RANBP2: variants seen among roughly 807,000 people sequenced by gnomAD.
RANBP2 encodes the protein RAN binding protein 2, also known as E3 SUMO-protein ligase RanBP2.
A neutral mutation model predicts 303.6 loss-of-function variants in RANBP2; 57 were observed. The observed-to-expected ratio is 0.19, with a 90% CI of 0.15 to 0.23. The LOEUF is 0.23. Ranked by LOEUF, RANBP2 falls within the 10% of genes least tolerant of loss-of-function variation. The pLI, the probability that RANBP2 is intolerant of heterozygous loss-of-function variation, is 1.00. For synonymous variants in RANBP2, 1,167 were observed against 1,301.5 expected (o/e 0.90, Z 2.23); for missense variants, 3,138 against 3,780.8 (o/e 0.83, Z 4.46).
At chr2:108,891,086 T>G in the RANBP2 span, among the ~76,000 whole-genome samples, 129 of 152,328 alleles carry the variant, frequency 8.5e-4, no homozygotes, top group Non-Finnish European at 1.4e-3. Flanking sequence ...GATTTCTTTG[T>G]ATTGTTTTTC....
At chr2:108,955,189 C>T in the RANBP2 span, among the ~76,000 whole-genome samples, 8 of 152,148 alleles carry the variant, frequency 5.3e-5, no homozygotes, top group South Asian at 8.3e-4. Flanking sequence ...AATGTCTGTG[C>T]CTTGGTTGTC....
chr2:109,085,223 A>G, the RANBP2 span, among the ~76,000 whole-genome samples: 1 of 152,228 alleles, frequency 6.6e-6, no homozygotes, highest in Non-Finnish European at 1.5e-5. Flanking sequence ...CCACCACTCC[A>G]TAGCAGGGGG....
the RANBP2 span, among the ~76,000 whole-genome samples, chr2:108,824,133 A>G: frequency 6.7e-6 from 1 of 150,086 alleles, no homozygotes; most frequent in Non-Finnish European, 1.5e-5. Context: ...TTTTATAAAC[A>G]GTATGCACTT....
In RANBP2 at chr2:108,755,043, T is replaced by C. The variant is rs1314394317; in HGVS notation, c.2341T>C (p.Ser781Pro). The C allele has an allele frequency of 1.5e-5, 24 of 1,611,720 alleles. No individual in the cohort carries two copies. Among genetic ancestry groups the C allele is most frequent in the Non-Finnish European group, 2.0e-5 (24 of 1,179,822 alleles). ...TTCAGAAATAAAACATTCTACACCG[T>C]CTCCTACCAGATATTCACTATCACC... Reference protein sequence around the residue: ...ADSEIKHSTPSPTRYSLSPSK... With the variant: ...ADSEIKHSTPPPTRYSLSPSK... Residue 781 changes from serine to proline, a missense_variant, in exon 16 of 29, where the codon TCT becomes CCT. By Grantham distance (74) the Ser-to-Pro change is moderately conservative. Around this residue, in one of 20 missense-constraint regions of RANBP2, gnomAD observed 194 missense variants for 197.4 expected, o/e 0.98. Transcript: ENST00000283195.
At chr2:109,548,216 G>T in the RANBP2 span, among the ~76,000 whole-genome samples, 1 of 151,842 alleles carries the variant, frequency 6.6e-6, no homozygotes, top group Admixed American at 6.6e-5. Flanking sequence ...CAGCTCCATA[G>T]GAATCAGCTG....
chr2:109,111,189 A>G, the RANBP2 span, among the ~76,000 whole-genome samples: 1 of 152,160 alleles, frequency 6.6e-6, no homozygotes, highest in Non-Finnish European at 1.5e-5. Flanking sequence ...CATGAATCAA[A>G]ATTCCCCTTC....
chr2:109,426,252 C>T, the RANBP2 span, among the ~76,000 whole-genome samples: 1 of 152,178 alleles, frequency 6.6e-6, no homozygotes, highest in African/African-American at 2.4e-5. Flanking sequence ...GATGGTGATT[C>T]CTCTCATGGA....
the RANBP2 span, among the ~76,000 whole-genome samples, chr2:109,220,152 G>C: frequency 1.3e-5 from 2 of 152,138 alleles, no homozygotes; most frequent in Non-Finnish European, 2.9e-5. Flanking sequence ...TTTCAACAAA[G>C]AAGCCAAGAT....
the RANBP2 span, among the ~76,000 whole-genome samples, chr2:109,520,783 T>C: frequency 9.8e-4 from 134 of 137,042 alleles, 21 homozygotes; most frequent in East Asian, 0.014. Flanking sequence ...CTACAAAAAT[T>C]AGCCGGGCGT....
chr2:108,994,554 T>C, the RANBP2 span, among the ~76,000 whole-genome samples: 835 of 152,278 alleles, frequency 5.5e-3, 7 homozygotes, highest in African/African-American at 0.019. Flanking sequence ...ATTTGCACTA[T>C]ACCAGAAAAA....
chr2:109,539,830 G>A, the RANBP2 span, among the ~76,000 whole-genome samples: 2 of 152,200 alleles, frequency 1.3e-5, no homozygotes, highest in African/African-American at 4.8e-5. Context: ...CATCTGGCTT[G>A]AGAGCATATG....
chr2:109,449,391 A>G, the RANBP2 span: 10 of 1,612,498 alleles, frequency 6.2e-6, no homozygotes, highest in African/African-American at 1.3e-5. Context: ...CAGTGCCGCA[A>G]ACCTCAACGG....
the RANBP2 span, among the ~76,000 whole-genome samples, chr2:109,450,040 G>T: frequency 1.3e-5 from 2 of 152,122 alleles, no homozygotes; most frequent in Non-Finnish European, 2.9e-5. Context: ...GCCATGAAGT[G>T]CTGATTTCAT....
At chr2:109,442,319 A>G in the RANBP2 span, among the ~76,000 whole-genome samples, 1 of 151,946 alleles carries the variant, frequency 6.6e-6, no homozygotes, top group African/African-American at 2.4e-5. Context: ...TCAAAAAAAA[A>G]AAAAAAAGAA....
chr2:108,924,172 C>T, the RANBP2 span, among the ~76,000 whole-genome samples: 1 of 152,252 alleles, frequency 6.6e-6, no homozygotes, highest in Non-Finnish European at 1.5e-5. Flanking sequence ...AGTCCTTCAG[C>T]TCCCAGTGAT....
At chr2:108,830,694 G>A in the RANBP2 span, among the ~76,000 whole-genome samples, 4 of 152,118 alleles carry the variant, frequency 2.6e-5, no homozygotes, top group African/African-American at 9.7e-5. Context: ...TGTAATCCCA[G>A]CTACTTGGGA....
the RANBP2 span, among the ~76,000 whole-genome samples, chr2:109,581,934 C>T: frequency 1.8e-4 from 27 of 152,238 alleles, no homozygotes; most frequent in African/African-American, 2.4e-4. Flanking sequence ...CTAAAGACTC[C>T]GCCAAATGGC....
the RANBP2 span, among the ~76,000 whole-genome samples, chr2:109,531,292 G>A: frequency 2.0e-5 from 3 of 152,214 alleles, no homozygotes; most frequent in African/African-American, 7.2e-5. Context: ...GACCGGCTCT[G>A]CATTTGATGT....
At chr2:109,117,090 C>T in the RANBP2 span, among the ~76,000 whole-genome samples, 1 of 152,226 alleles carries the variant, frequency 6.6e-6, no homozygotes, top group African/African-American at 2.4e-5. Context: ...GGGTCAGGGA[C>T]CCACTTGAAG....
Sources: gnomAD v4.1 joint callset for allele counts (sites outside exome capture counted in the v4.1 genomes callset) on GRCh38, gnomAD v4.1.1 for gene constraint, gnomAD v4.1.1 regional missense constraint, MANE v1.5 for transcripts, NCBI Gene and HGNC (gene_info 2026-07-23, HGNC 2026-07-21) for gene names.